The following NCOR2 variants were observed in gnomAD, a reference collection of about 807,000 sequenced individuals.
The protein encoded by NCOR2 is CTG repeat protein 26.
NCOR2 carries 81 observed loss-of-function variants against 262.9 expected under a neutral mutation model. The ratio of observed to expected loss-of-function variants is 0.31; its 90% CI spans 0.26 to 0.37. NCOR2 has a LOEUF of 0.37. Ranked by LOEUF, NCOR2 falls within the 10% of genes least tolerant of loss-of-function variation. NCOR2 has a pLI of 1.00. For synonymous variants in NCOR2, 1,659 were observed against 1,559.3 expected, an observed-to-expected ratio of 1.06 and a Z score of -1.51; for missense variants, 3,385 against 3,621.4, an observed-to-expected ratio of 0.93 and a Z score of 1.68.
At chr12:124,430,439 G>T (rs1413673557) in intron 9 of NCOR2, among the ~76,000 whole-genome samples, 176 bp downstream of exon 11, 2 of 152,236 alleles carry the variant, frequency 1.3e-5, no homozygotes, top group Non-Finnish European at 2.9e-5. Flanking sequence ...TTCCAAGTAA[G>T]TATTAGGCCA....
chr12:124,413,699 G>A (rs532721715), intron 13 of NCOR2, among the ~76,000 whole-genome samples: 1 of 152,286 alleles, frequency 6.6e-6, no homozygotes, highest in East Asian at 1.9e-4. Flanking sequence ...GGGAGTGGGG[G>A]TGCTGAGAGA....
At chr12:124,447,075 C>T (rs763315625) in intron 7 of NCOR2, among the ~76,000 whole-genome samples, 3 of 152,118 alleles carry the variant, frequency 2.0e-5, no homozygotes, top group African/African-American at 4.8e-5. Flanking sequence ...CCACCACAGC[C>T]GGCTAATTTT....
intron 13 of NCOR2, among the ~76,000 whole-genome samples, chr12:124,403,842 C>G (rs372894518): frequency 6.6e-6 from 1 of 152,200 alleles, no homozygotes; most frequent in African/African-American, 2.4e-5. Flanking sequence ...TGCAGGCAAC[C>G]GTGGGCTCCC....
chr12:124,490,911 C>T lies in NCOR2; in HGVS notation c.105+4236G>A, dbSNP rs1168277717. 7.2e-5 allele frequency among the ~76,000 whole-genome samples: 11 copies of T among 152,350 alleles called. No homozygotes were observed. The South Asian group carries it at 1.9e-3, about 26-fold the overall frequency. ...CGGACTGGGCCTGGCTGAGCCCCTG[C>T]GTCTGTGCAGTGGGACCCCATATCG... On this transcript the variant is annotated intron_variant, in intron 1 of 46. Transcript: ENST00000405201.
At chr12:124,508,843 C>T (rs1449944868) in intron 1 of NCOR2, among the ~76,000 whole-genome samples, 2 of 152,138 alleles carry the variant, frequency 1.3e-5, no homozygotes, top group African/African-American at 4.8e-5. Context: ...GGTCACTGGA[C>T]GCCACAAGAG....
At chr12:124,553,048 A>G (rs1393924196) in intron 1 of NCOR2, among the ~76,000 whole-genome samples, 2 of 152,210 alleles carry the variant, frequency 1.3e-5, no homozygotes, top group Non-Finnish European at 2.9e-5. Context: ...TAACAGAGCT[A>G]AATTCAAGGT....
intron 18 of NCOR2, among the ~76,000 whole-genome samples, chr12:124,377,209 G>A (rs1466351438): frequency 1.3e-5 from 2 of 152,152 alleles, no homozygotes; most frequent in African/African-American, 4.8e-5. Context: ...GAGGGGACTC[G>A]GGGGGACCCA....
chr12:124,491,407 A>C (rs2048075945), intron 1 of NCOR2, among the ~76,000 whole-genome samples: 1 of 151,584 alleles, frequency 6.6e-6, no homozygotes, highest in Non-Finnish European at 1.5e-5. Context: ...GAGGCACGGG[A>C]CGGTAAGGCC....
At chr12:124,489,654 T>C (rs767615134) in intron 1 of NCOR2, among the ~76,000 whole-genome samples, 1 of 146,832 alleles carries the variant, frequency 6.8e-6, no homozygotes, top group Non-Finnish European at 1.5e-5. Context: ...TCCCTGACCA[T>C]GGCACCTCTG....
chr12:124,388,055 G>A (rs899567228), intron 16 of NCOR2, among the ~76,000 whole-genome samples: 1 of 151,754 alleles, frequency 6.6e-6, no homozygotes, highest in African/African-American at 2.4e-5. Context: ...GGCAGTGGGA[G>A]TGGGTTGAGG....
upstream of NCOR2, among the ~76,000 whole-genome samples, chr12:124,497,355 A>C (rs2048431576): frequency 6.6e-6 from 1 of 152,152 alleles, no homozygotes; most frequent in Non-Finnish European, 1.5e-5. This position sits in a 1 kb window ranked among gnomAD's most constrained non-coding sequence, Gnocchi z 4.2. Context: ...GTCCCGCTCC[A>C]CCATCGCTAA....
upstream of NCOR2, among the ~76,000 whole-genome samples, chr12:124,499,340 T>C (rs2048559640): frequency 6.6e-6 from 1 of 152,228 alleles, no homozygotes. Flanking sequence ...ATTCATTTAT[T>C]TACATACACA....
exon 2 of NCOR2, chr12:124,486,512 C>T (rs761806573): frequency 5.2e-5 from 84 of 1,607,042 alleles, no homozygotes; most frequent in Middle Eastern, 4.9e-4. Flanking sequence ...TGGAGCCGGG[C>T]GACAGGTGGG....
At chr12:124,324,648 G>GCC (rs1413125783) in exon 47 of NCOR2, 3 of 152,464 alleles carry the variant, frequency 2.0e-5, no homozygotes, top group Non-Finnish European at 4.4e-5. Flanking sequence ...GAGATCAAAA[G>GCC]CACAGCAGCA....
chr12:124,350,482 T>G (rs2037356876), intron 28 of NCOR2, 105 bp downstream of exon 30: 1 of 1,434,460 alleles, frequency 7.0e-7, no homozygotes, highest in African/African-American at 1.4e-5. Flanking sequence ...CCTATCAGAT[T>G]GTGCTTTCTG....
intron 8 of NCOR2, among the ~76,000 whole-genome samples, chr12:124,434,495 C>G (rs1273072421): frequency 6.6e-6 from 1 of 152,116 alleles, no homozygotes; most frequent in African/African-American, 2.4e-5. Flanking sequence ...TCTCCCTCCA[C>G]CCCCTCCACA....
chr12:124,495,260 G>A, upstream of NCOR2: 3 of 1,609,572 alleles, frequency 1.9e-6, no homozygotes, highest in Non-Finnish European at 2.5e-6. The surrounding 1 kb of genome is among the most constrained non-coding windows in gnomAD (Gnocchi z 4.4). Flanking sequence ...ATGGTGGTGG[G>A]GGTCGGCGGG....
chr12:124,454,089 T>G lies in NCOR2; in HGVS notation c.762+3017A>C, dbSNP rs2045706032. Reference sequence around the variant, plus strand: ...AGAGGGTGCACCATGCAGCTGCCTCTGCTTGGAGGATGCCTGTGGCCACTC... The same window carrying G: ...AGAGGGTGCACCATGCAGCTGCCTCGGCTTGGAGGATGCCTGTGGCCACTC... On this transcript the variant is annotated intron_variant, in intron 6 of 46. Coordinates refer to ENST00000405201, the Ensembl canonical transcript of NCOR2. This position sits in a 1 kb window ranked among gnomAD's most constrained non-coding sequence, Gnocchi z 5.6. Among the ~76,000 whole-genome samples the G allele has an allele frequency of 1.3e-5, 2 of 152,198 alleles. No individual in the cohort carries two copies. The highest frequency in any genetic ancestry group is 1.3e-4 in the Admixed American group (2 of 15,282).
intron 2 of NCOR2, 90 bp downstream of exon 4, chr12:124,486,351 G>A: frequency 1.3e-6 from 2 of 1,528,100 alleles, no homozygotes; most frequent in Non-Finnish European, 1.8e-6. Flanking sequence ...ACAGGACCCT[G>A]TGTGCTCCTG....
Sources: gnomAD v4.1 joint callset for allele counts (sites outside exome capture counted in the v4.1 genomes callset) on GRCh38, gnomAD v4.1.1 for gene constraint, Gnocchi (gnomAD v3.1) non-coding constraint, MANE v1.5 for transcripts, NCBI Gene and HGNC (gene_info 2026-07-23, HGNC 2026-07-21) for gene names.